The following MAPRE2 variants were observed in gnomAD, a reference collection of about 807,000 sequenced individuals.
The protein encoded by MAPRE2 is microtubule associated protein RP/EB family member 2.
In MAPRE2, 13 loss-of-function variants were observed where a neutral mutation model predicts 43.2. The observed-to-expected ratio is 0.30, with a 90% CI of 0.20 to 0.48. MAPRE2 has a LOEUF of 0.48. Among genes scored for constraint, MAPRE2 ranks in the 20% least tolerant of loss-of-function variants. The pLI, the probability that MAPRE2 is intolerant of heterozygous loss-of-function variation, is 0.99. For missense variants in MAPRE2, 161 were observed against 400.2 expected, an observed-to-expected ratio of 0.40 and a Z score of 5.10; for synonymous variants, 135 against 148.8, an observed-to-expected ratio of 0.91 and a Z score of 0.68.
chr18:34,987,942 C>G (rs1232103843), intron 1 of MAPRE2, among the ~76,000 whole-genome samples: 1 of 152,136 alleles, frequency 6.6e-6, no homozygotes, highest in Non-Finnish European at 1.5e-5. Context: ...CGCACCTGGC[C>G]TATAAGTCAA....
chr18:35,071,143 A>C (rs1373002100), intron 2 of MAPRE2, among the ~76,000 whole-genome samples: 1 of 152,198 alleles, frequency 6.6e-6, no homozygotes, highest in Non-Finnish European at 1.5e-5. Flanking sequence ...TAGGTCTGCA[A>C]GGAATATATA....
chr18:35,011,368 T>C (rs2097034558), intron 2 of MAPRE2, among the ~76,000 whole-genome samples: 1 of 152,088 alleles, frequency 6.6e-6, no homozygotes, highest in African/African-American at 2.4e-5. Flanking sequence ...GCTTCAAAGA[T>C]CTGGAGGGAA....
chr18:35,102,566 G>A (rs974843011), intron 4 of MAPRE2, among the ~76,000 whole-genome samples: 7 of 152,072 alleles, frequency 4.6e-5, no homozygotes, highest in African/African-American at 1.4e-4. Flanking sequence ...ATGGATCATC[G>A]TCTCTAACCC....
chr18:34,977,090 T>G (rs1433068773), intron 1 of MAPRE2: 1 of 157,176 alleles, frequency 6.4e-6, no homozygotes, highest in Non-Finnish European at 1.4e-5. Context: ...GTGAGTCAAG[T>G]GCATTTAAAG....
chr18:35,062,158 T>C (rs773231003), intron 1 of MAPRE2, among the ~76,000 whole-genome samples: 1 of 152,032 alleles, frequency 6.6e-6, no homozygotes. Flanking sequence ...GAAAAGACGT[T>C]TGGGGGGATG....
At chr18:34,983,231 AAGAT>A (rs1330243250) in intron 1 of MAPRE2, among the ~76,000 whole-genome samples, 1 of 152,264 alleles carries the variant, frequency 6.6e-6, no homozygotes, top group East Asian at 1.9e-4. Flanking sequence ...CTAAAAATAA[AAGAT>A]AGTTTATTTT....
intron 2 of MAPRE2, among the ~76,000 whole-genome samples, chr18:35,015,549 C>G (rs2097037614): frequency 6.6e-6 from 1 of 151,796 alleles, no homozygotes; most frequent in African/African-American, 2.4e-5. Context: ...AATTTGTTAT[C>G]TACCCTAACG....
At chr18:34,996,284 G>A (rs1166418411) in intron 1 of MAPRE2, among the ~76,000 whole-genome samples, 1 of 152,092 alleles carries the variant, frequency 6.6e-6, no homozygotes, top group African/African-American at 2.4e-5. Flanking sequence ...TAGGGTGGAG[G>A]ATGAGGGATG....
intron 4 of MAPRE2, among the ~76,000 whole-genome samples, chr18:35,123,812 T>A (rs1260777240): frequency 6.6e-6 from 1 of 152,238 alleles, no homozygotes; most frequent in African/African-American, 2.4e-5. Flanking sequence ...TTATTGAATT[T>A]CTCTGGGTTA....
chr18:35,033,936 G>C (rs1179079041), intron 2 of MAPRE2, among the ~76,000 whole-genome samples: 1 of 147,546 alleles, frequency 6.8e-6, no homozygotes, highest in Admixed American at 6.8e-5. Context: ...TGGCCATACT[G>C]CCCAAGGTAA....
intron 1 of MAPRE2, among the ~76,000 whole-genome samples, chr18:35,053,414 A>T (rs1298809813): frequency 3.3e-5 from 5 of 152,082 alleles, no homozygotes; most frequent in African/African-American, 4.8e-5. Context: ...AAATAAAAAT[A>T]AAAAAACAGT....
At chr18:35,125,796 G>A (rs1218893649) in intron 4 of MAPRE2, among the ~76,000 whole-genome samples, 1 of 152,232 alleles carries the variant, frequency 6.6e-6, no homozygotes, top group East Asian at 1.9e-4. Context: ...GCTCCAGATA[G>A]GCGAGGTCTT....
intron 2 of MAPRE2, among the ~76,000 whole-genome samples, chr18:35,034,442 T>A (rs1236595984): frequency 1.3e-5 from 2 of 152,132 alleles, no homozygotes. Context: ...ATTCAGGACA[T>A]AGGCATGGGC....
chr18:35,071,910 G>A (rs1461126274), intron 2 of MAPRE2, among the ~76,000 whole-genome samples: 1 of 152,238 alleles, frequency 6.6e-6, no homozygotes, highest in Non-Finnish European at 1.5e-5. Context: ...CAGACATGAA[G>A]TCTTGTGATT....
intron 1 of MAPRE2, among the ~76,000 whole-genome samples, chr18:34,993,254 C>A (rs572640834): frequency 1.7e-4 from 25 of 147,256 alleles, no homozygotes; most frequent in African/African-American, 6.3e-4. Context: ...ACCATTCCCG[C>A]CTTTTTTTTT....
At chr18:35,032,247 T>C (rs994914572) in intron 2 of MAPRE2, among the ~76,000 whole-genome samples, 5 of 152,162 alleles carry the variant, frequency 3.3e-5, no homozygotes, top group Non-Finnish European at 7.4e-5. Context: ...GAGGTGATAA[T>C]GATCTAAGGA....
At chr18:34,995,753 A>G (rs1362422738) in intron 1 of MAPRE2, among the ~76,000 whole-genome samples, 2 of 152,198 alleles carry the variant, frequency 1.3e-5, no homozygotes, top group African/African-American at 2.4e-5. Flanking sequence ...TAAGCTATAC[A>G]TTAGTTTATC....
chr18:34,998,082 A>G (rs995951051), intron 1 of MAPRE2, among the ~76,000 whole-genome samples: 6 of 152,140 alleles, frequency 3.9e-5, no homozygotes, highest in African/African-American at 1.4e-4. Context: ...AGTGGAATTT[A>G]GCATGAATTT....
Position 35,140,570 on chromosome 18 carries a change from A to G in MAPRE2, c.*201A>G. 1 of 566,074 alleles carries G rather than the reference A, an allele frequency of 1.8e-6. No individual in the cohort carries two copies. The allele number at this position is 566,074 out of a possible 1,614,324, so 35.1% of individuals were successfully genotyped here. A position where few individuals can be genotyped will look rare whatever the true frequency, so the allele number is the denominator to read the frequency against. Reference sequence around the variant, plus strand: ...TGTATTAGCGGACGGCCCTCTGGCCACCTACCCGAGAGATCGTAGGGTCAC... The same window carrying G: ...TGTATTAGCGGACGGCCCTCTGGCCGCCTACCCGAGAGATCGTAGGGTCAC... On this transcript the variant is annotated 3_prime_UTR_variant, in exon 7 of 7. Coordinates refer to ENST00000300249, the MANE Select transcript of MAPRE2 (RefSeq NM_014268.4).
Sources: allele counts gnomAD v4.1 joint callset (sites outside exome capture counted in the v4.1 genomes callset), GRCh38; gene constraint gnomAD v4.1.1; transcripts MANE v1.5; gene names NCBI Gene and HGNC (gene_info 2026-07-23, HGNC 2026-07-21).